ADAMTSL1: variants seen among roughly 807,000 people sequenced by gnomAD.
ADAMTSL1 encodes ADAMTS-like protein 1.
Under a neutral mutation model 201.8 loss-of-function variants are expected in ADAMTSL1, and 126 were observed. The observed-to-expected ratio is 0.62, with a 90% confidence interval of 0.54 to 0.72. The LOEUF (loss-of-function observed/expected upper bound fraction) is 0.72, where lower values mean the gene tolerates loss of function less well. Ranked by LOEUF, ADAMTSL1 falls within the 30% of genes least tolerant of loss-of-function variation. The probability of loss-of-function intolerance (pLI) is 0.00; values close to 1 mark genes in which losing one functional copy is unlikely to be tolerated. For synonymous variants in ADAMTSL1, 1,121 were observed against 903.4 expected (o/e 1.24, Z -4.32); for missense variants, 2,679 against 2,277.8 (o/e 1.18, Z -3.59).
chr9:18,840,605 G>C (rs1482793765), intron 23 of ADAMTSL1, among the ~76,000 whole-genome samples: 2 of 152,156 alleles, frequency 1.3e-5, no homozygotes, highest in African/African-American at 4.8e-5. Context: ...GGATGGCATT[G>C]AATCTATAAA....
chr9:18,182,082 G>T (rs1407173087), intron 2 of ADAMTSL1, among the ~76,000 whole-genome samples: 8 of 149,468 alleles, frequency 5.4e-5, no homozygotes, highest in Admixed American at 3.4e-4. Context: ...GGTGGGAATT[G>T]AGCTATGAGA....
At chr9:18,819,659 G>C (rs1406652643) in intron 21 of ADAMTSL1, among the ~76,000 whole-genome samples, 2 of 152,146 alleles carry the variant, frequency 1.3e-5, no homozygotes, top group Admixed American at 6.5e-5. Flanking sequence ...TAACCTTATA[G>C]TGAGAACCTG....
chr9:18,275,956 A>G (rs2383070), intron 2 of ADAMTSL1, among the ~76,000 whole-genome samples: 89,411 of 151,828 alleles, frequency 0.59, 27,015 homozygotes, highest in South Asian at 0.74. Context: ...TCAAAAGTGG[A>G]TGTGCCATCT....
chr9:18,561,767 C>T (rs1461761699), intron 3 of ADAMTSL1, among the ~76,000 whole-genome samples: 3 of 152,144 alleles, frequency 2.0e-5, no homozygotes, highest in Admixed American at 2.0e-4. Flanking sequence ...GATCCCTTTA[C>T]CATTATGTAA....
intron 1 of ADAMTSL1, among the ~76,000 whole-genome samples, chr9:18,500,782 A>G (rs1822788667): frequency 6.6e-6 from 1 of 152,230 alleles, no homozygotes; most frequent in African/African-American, 2.4e-5. Flanking sequence ...GATGCACTCT[A>G]GACTTTTTAT....
At chr9:18,408,426 G>T (rs749342567) in intron 2 of ADAMTSL1, among the ~76,000 whole-genome samples, 2 of 152,018 alleles carry the variant, frequency 1.3e-5, no homozygotes, top group Non-Finnish European at 2.9e-5. Flanking sequence ...AGCTGACACG[G>T]TGCCACTGCA....
At chr9:18,123,088 T>C (rs1026447905) in intron 1 of ADAMTSL1, among the ~76,000 whole-genome samples, 18 of 152,210 alleles carry the variant, frequency 1.2e-4, no homozygotes, top group African/African-American at 4.3e-4. Context: ...TTTTGTCATG[T>C]GTGACAACAG....
Position 18,862,813 on chromosome 9 carries a change from C to T in ADAMTSL1, c.4250-25018C>T, listed in dbSNP as rs554679557. 2.0e-5 allele frequency among the ~76,000 whole-genome samples: 3 copies of T among 152,256 alleles called. No homozygotes were observed. The East Asian group carries it at 5.8e-4, about 29-fold the overall frequency. ...CTTCCCTCCTGCAGGCCAGGTGGCA[C>T]CTGCCAGCAGCCTGAGGGTAGAGTC... On this transcript the variant is annotated intron_variant, in intron 23 of 28. Transcript: ENST00000380548.
intron 1 of ADAMTSL1, among the ~76,000 whole-genome samples, chr9:17,970,139 C>G (rs913345417): frequency 6.6e-6 from 1 of 151,934 alleles, no homozygotes; most frequent in African/African-American, 2.4e-5. Context: ...ATCATTTTCC[C>G]CTAGTTCCCA....
intron 2 of ADAMTSL1, among the ~76,000 whole-genome samples, chr9:18,321,128 T>G (rs942724644): frequency 3.3e-5 from 5 of 152,166 alleles, no homozygotes; most frequent in African/African-American, 1.2e-4. Flanking sequence ...AGATATGACA[T>G]GCAGACAAGT....
At chr9:18,798,156 A>T (rs1588128411) in intron 20 of ADAMTSL1, among the ~76,000 whole-genome samples, 2 of 152,158 alleles carry the variant, frequency 1.3e-5, no homozygotes, top group African/African-American at 4.8e-5. Context: ...TTATAAGGAA[A>T]GTATGGACTT....
chr9:18,721,495 C>A (rs758845180), intron 14 of ADAMTSL1, 41 bp from the exon 15 acceptor site: 5 of 1,606,840 alleles, frequency 3.1e-6, no homozygotes, highest in Non-Finnish European at 4.3e-6. Context: ...CACACACACA[C>A]CCACTTTGCA....
At chr9:18,067,755 T>G (rs1822773934) in intron 1 of ADAMTSL1, among the ~76,000 whole-genome samples, 1 of 152,078 alleles carries the variant, frequency 6.6e-6, no homozygotes, top group Non-Finnish European at 1.5e-5. Context: ...ATTAAAAGCT[T>G]GTAAAATAAG....
At chr9:18,578,687 A>G (rs1325548689) in intron 4 of ADAMTSL1, among the ~76,000 whole-genome samples, 8 of 152,160 alleles carry the variant, frequency 5.3e-5, no homozygotes, top group African/African-American at 1.7e-4. Context: ...CGCAATAAAC[A>G]TACGTGTGCA....
At chr9:18,155,683 C>G (rs1481988390) in intron 1 of ADAMTSL1, among the ~76,000 whole-genome samples, 3 of 151,998 alleles carry the variant, frequency 2.0e-5, no homozygotes, top group Admixed American at 6.6e-5. Context: ...AGAGCATTAA[C>G]TGAGATGTCA....
upstream of ADAMTSL1, among the ~76,000 whole-genome samples, chr9:18,469,485 C>A (rs949071035): frequency 3.9e-5 from 6 of 152,154 alleles, no homozygotes; most frequent in Non-Finnish European, 7.3e-5. Context: ...TTTGAGTTAC[C>A]AAAGAAAAAG....
At chr9:18,433,313 T>G (rs1298719233) in intron 2 of ADAMTSL1, among the ~76,000 whole-genome samples, 1 of 152,130 alleles carries the variant, frequency 6.6e-6, no homozygotes, top group Admixed American at 6.5e-5. Context: ...AATGTGTGCG[T>G]TCTTTCCCCT....
chr9:18,273,021 A>C (rs1394561906), intron 2 of ADAMTSL1, among the ~76,000 whole-genome samples: 1 of 152,240 alleles, frequency 6.6e-6, no homozygotes, highest in Non-Finnish European at 1.5e-5. Flanking sequence ...TGGCATTAAA[A>C]TACTGAAAAT....
At chr9:18,480,348 A>G (rs769825243) in intron 1 of ADAMTSL1, among the ~76,000 whole-genome samples, 1 of 152,182 alleles carries the variant, frequency 6.6e-6, no homozygotes, top group Non-Finnish European at 1.5e-5. Flanking sequence ...CCCTCAGCCT[A>G]TGTGATCCTC....
Sources: gnomAD v4.1 joint callset for allele counts (sites outside exome capture counted in the v4.1 genomes callset) on GRCh38, gnomAD v4.1.1 for gene constraint, MANE v1.5 for transcripts, NCBI Gene and HGNC (gene_info 2026-07-23, HGNC 2026-07-21) for gene names.